Variants in CALML4 observed in about 807,000 individuals in gnomAD.
The protein encoded by CALML4 is calmodulin like 4, also known as calmodulin-like protein 4.
In CALML4, 16 loss-of-function variants were observed where a neutral mutation model predicts 17.9. The observed-to-expected ratio is 0.89, with a 90% CI of 0.61 to 1.36. The LOEUF (loss-of-function observed/expected upper bound fraction) is 1.36, where lower values mean the gene tolerates loss of function less well. CALML4 is among the 40% of genes most tolerant of loss of function. The pLI is 0.00. For synonymous variants in CALML4, 86 were observed against 71.5 expected (o/e 1.20, Z -1.02); for missense variants, 203 against 194.8 (o/e 1.04, Z -0.25).
chr15:68,204,714 G>GACGCATCCTGCCAGAGAGTGC lies in CALML4; in HGVS notation c.34+386_34+406dup, dbSNP rs1178387808. On this transcript the variant is annotated intron_variant, in intron 2 of 4. Transcript: ENST00000467889. The surrounding 1 kb of genome is among the most constrained non-coding windows in gnomAD (Gnocchi z 6.0). Reference sequence around the variant, plus strand: ...TAGGGAGACTGAGGCGCAGAGAGTAGACGCATCCTGCCAGAGAGTGCAGAC... The same window carrying GACGCATCCTGCCAGAGAGTGC: ...TAGGGAGACTGAGGCGCAGAGAGTAGACGCATCCTGCCAGAGAGTGCACGCATCCTGCCAGAGAGTGCAGAC... Among the ~76,000 whole-genome samples the GACGCATCCTGCCAGAGAGTGC allele has an allele frequency of 6.6e-6, 1 of 152,118 alleles. No individual in the cohort carries two copies. Among genetic ancestry groups the GACGCATCCTGCCAGAGAGTGC allele is most frequent in the African/African-American group, 2.4e-5 (1 of 41,416 alleles).
At position 68,205,169 on chromosome 15, in the gene CALML4, A is replaced by G. The variant is rs2093178356; in HGVS notation, c.4-18T>C. 1 of 1,614,164 alleles carries G rather than the reference A, an allele frequency of 6.2e-7. No homozygotes were observed. The highest frequency in any genetic ancestry group is 8.5e-7 in the Non-Finnish European group (1 of 1,180,024). ...AACTTGGCCTGCAGCAGAGAAAGGAAAACAGTCAGGGGAGGGCTCCACCTG... is the reference window on the plus strand; with the variant it reads ...AACTTGGCCTGCAGCAGAGAAAGGAGAACAGTCAGGGGAGGGCTCCACCTG... On this transcript the variant is annotated intron_variant, in intron 1 of 4. Coordinates refer to ENST00000467889, the MANE Select transcript of CALML4 (RefSeq NM_033429.3). This position sits in a 1 kb window ranked among gnomAD's most constrained non-coding sequence, Gnocchi z 4.8.
In CALML4 at chr15:68,200,798, C is replaced by T. The variant is rs756714502; in HGVS notation, c.35-1117G>A. ...ATAGCCCCTTAGCTGATGACAGCAA[C>T]AATGACAATTCACGTTGCTGAGCAC... On this transcript the variant is annotated intron_variant, in intron 2 of 4. Coordinates refer to ENST00000467889, the MANE Select transcript of CALML4 (RefSeq NM_033429.3). The surrounding 1 kb of genome is among the most constrained non-coding windows in gnomAD (Gnocchi z 4.3). Among the ~76,000 whole-genome samples, 7 of 152,184 alleles carry T rather than the reference C, an allele frequency of 4.6e-5. No homozygotes were observed. Among genetic ancestry groups the T allele is most frequent in the Non-Finnish European group, 1.0e-4 (7 of 68,014 alleles).
At chr15:68,205,573 A>C, upstream of CALML4, 2 of 640,444 alleles carry the variant, frequency 3.1e-6, no homozygotes, top group Admixed American at 2.9e-5. The surrounding 1 kb of genome is among the most constrained non-coding windows in gnomAD (Gnocchi z 4.8). Context: ...GACTCCAGGA[A>C]GGGGTCTTCT....
At chr15:68,198,518 T>C (rs908431197) in intron 3 of CALML4, 2 of 152,218 alleles carry the variant, frequency 1.3e-5, no homozygotes, top group Admixed American at 6.5e-5. Context: ...CAGCCCCCAA[T>C]GCAAACAGCA....
chr15:68,202,807 C>CCT (rs2093169551), intron 2 of CALML4, among the ~76,000 whole-genome samples: 3 of 95,032 alleles, frequency 3.2e-5, no homozygotes, highest in African/African-American at 1.5e-4. Flanking sequence ...CCATGACCGG[C>CCT]TTTTTTTTTT....
Position 68,197,907 on chromosome 15 carries a change from A to C in CALML4, c.176-279T>G, listed in dbSNP as rs2093151502. ...AAAGTGGGTTCCCAACCACAGATGGAGGACTGGGCTCCTCTGCTCCCTTCT... is the reference window on the plus strand; with the variant it reads ...AAAGTGGGTTCCCAACCACAGATGGCGGACTGGGCTCCTCTGCTCCCTTCT... On this transcript the variant is annotated intron_variant, in intron 3 of 4. Coordinates refer to ENST00000467889, the MANE Select transcript of CALML4 (RefSeq NM_033429.3). The surrounding 1 kb of genome is among the most constrained non-coding windows in gnomAD (Gnocchi z 4.1). 2 of 402,944 alleles carry C rather than the reference A, an allele frequency of 5.0e-6. No homozygotes were observed. Among genetic ancestry groups the C allele is most frequent in the Non-Finnish European group, 9.1e-6 (2 of 219,492 alleles). 25.0% of individuals were successfully genotyped at this position (402,944 alleles called of 1,614,324 possible). A position where few individuals can be genotyped will look rare whatever the true frequency, so the allele number is the denominator to read the frequency against.
chr15:68,194,123 T>G lies in CALML4; in HGVS notation c.365-11A>C. 6.2e-7 allele frequency: 1 copy of G among 1,604,242 alleles called. No homozygotes were observed. The highest frequency in any genetic ancestry group is 8.5e-7 in the Non-Finnish European group (1 of 1,171,678). The stretch of plus-strand genomic sequence containing the variant: ...TGAAGAGATCATCCACTGCAATAAA[T>G]CACATTTAATTTTTCAGTTTGGCTT... On this transcript the variant is annotated splice_polypyrimidine_tract_variant and intron_variant, in intron 4 of 4. Coordinates refer to ENST00000467889, the MANE Select transcript of CALML4 (RefSeq NM_033429.3).
In CALML4 at chr15:68,198,928, G is replaced by A. The variant is rs180770747; in HGVS notation, c.175+613C>T. 1.0e-3 allele frequency among the ~76,000 whole-genome samples: 156 copies of A among 152,232 alleles called. 3 individuals carry two copies. The East Asian group carries it at 0.028, about 27-fold the overall frequency. ...TCTAACCCCAGCACTTTGGGAGGCC[G>A]AGGCAGGCAGATCACCTGAGGTCAG... On this transcript the variant is annotated intron_variant, in intron 3 of 4. Coordinates refer to ENST00000467889, the MANE Select transcript of CALML4 (RefSeq NM_033429.3).
chr15:68,196,465 G>A (rs2093145015), intron 4 of CALML4, among the ~76,000 whole-genome samples: 1 of 152,196 alleles, frequency 6.6e-6, no homozygotes, highest in Non-Finnish European at 1.5e-5. Context: ...TTTAACCAGA[G>A]ACGGAAAGTC....
At chr15:68,194,250 C>T in intron 4 of CALML4, 138 bp from the exon 5 acceptor site, 1 of 634,560 alleles carries the variant, frequency 1.6e-6, no homozygotes, top group Non-Finnish European at 2.8e-6. Flanking sequence ...GGAAGTAAAC[C>T]AGTGAACAGA....
intron 4 of CALML4, among the ~76,000 whole-genome samples, chr15:68,194,963 G>C (rs988112479): frequency 2.0e-5 from 3 of 151,618 alleles, no homozygotes; most frequent in Non-Finnish European, 4.4e-5. Flanking sequence ...TGGGGGATGG[G>C]GTTTATATGA....
In CALML4 at chr15:68,199,592, C is replaced by A; in HGVS notation, c.124G>T (p.Ala42Ser). The part of the protein sequence containing the change: ...DLMVAMRCLG[A>S]SPTPGEVQRH... The stretch of plus-strand genomic sequence containing the variant: ...TGCACCTCCCCTGGCGTCGGGCTGG[C>A]CCCCAGGCACCTCATGGCCACCATG... The change falls in exon 3 of 5, where the codon GCC (alanine) becomes TCC (serine). Residue 42 changes from alanine to serine, a missense_variant. Physicochemically the swap from Ala to Ser is moderately conservative, Grantham distance 99. Coordinates refer to ENST00000467889, the MANE Select transcript of CALML4 (RefSeq NM_033429.3). 3.1e-6 allele frequency: 5 copies of A among 1,613,694 alleles called. No individual in the cohort carries two copies. The highest frequency in any genetic ancestry group is 4.2e-6 in the Non-Finnish European group (5 of 1,179,942).
At position 68,202,807 on chromosome 15, in the gene CALML4, CTTTTTTTTT is replaced by C. The variant is rs35057668; in HGVS notation, c.34+2305_34+2313del. 3.2e-5 allele frequency among the ~76,000 whole-genome samples: 3 copies of C among 95,032 alleles called. 1 individual carries two copies. Among genetic ancestry groups the C allele is most frequent in the African/African-American group, 1.5e-4 (3 of 19,886 alleles). The allele number at this position is 95,032 out of a possible 152,430, so 62.3% of individuals were successfully genotyped here. A position where few individuals can be genotyped will look rare whatever the true frequency, so the allele number is the denominator to read the frequency against. ...TATAGGCATGTGCCACCATGACCGG[CTTTTTTTTT>C]TTTTTTTTTTTTTTTGAGACAGAGT... On this transcript the variant is annotated intron_variant, in intron 2 of 4. Transcript: ENST00000467889.
intron 4 of CALML4, among the ~76,000 whole-genome samples, chr15:68,196,817 C>T (rs1311219327): frequency 2.6e-5 from 4 of 152,340 alleles, no homozygotes; most frequent in East Asian, 3.9e-4. Flanking sequence ...ACCCCTTTCT[C>T]GTGGGGCTCT....
rs749806458 is a variant in CALML4, at chr15:68,190,746, T to C, written c.*3269A>G. On this transcript the variant is annotated 3_prime_UTR_variant, in exon 5 of 5. Coordinates refer to ENST00000467889, the MANE Select transcript of CALML4 (RefSeq NM_033429.3). The surrounding 1 kb of genome is among the most constrained non-coding windows in gnomAD (Gnocchi z 4.7). ...GCTTTTAATTACTTCGTGAGTGTTATTGGATACATCTTAAAAAAAAAAAAT... is the reference window on the plus strand; with the variant it reads ...GCTTTTAATTACTTCGTGAGTGTTACTGGATACATCTTAAAAAAAAAAAAT... The C allele has an allele frequency of 2.0e-5, 3 of 152,104 alleles. No homozygotes were observed. Among genetic ancestry groups the C allele is most frequent in the Non-Finnish European group, 4.4e-5 (3 of 68,030 alleles). 9.4% of individuals were successfully genotyped at this position (152,104 alleles called of 1,614,324 possible).
intron 2 of CALML4, among the ~76,000 whole-genome samples, chr15:68,203,665 G>A (rs2093172748): frequency 6.6e-6 from 1 of 152,180 alleles, no homozygotes; most frequent in Admixed American, 6.5e-5. Context: ...CGTCCAGCAT[G>A]TAACTGACAT....
Position 68,193,304 on chromosome 15 carries a change from A to C in CALML4, c.*711T>G, listed in dbSNP as rs1047408976. 6.6e-6 allele frequency: 1 copy of C among 152,238 alleles called. No individual in the cohort carries two copies. Among genetic ancestry groups the C allele is most frequent in the Non-Finnish European group, 1.5e-5 (1 of 68,090 alleles). The allele number at this position is 152,238 out of a possible 1,614,324, so 9.4% of individuals were successfully genotyped here. ...TCCTTTGGTGTGGGGTGTAAAGTAG[A>C]TCGCTCTTCCTGCTCTCAGCTGATG... On this transcript the variant is annotated 3_prime_UTR_variant, in exon 5 of 5. Transcript: ENST00000467889.
chr15:68,201,407 AG>A (rs1326194432), intron 2 of CALML4, among the ~76,000 whole-genome samples: 1 of 152,196 alleles, frequency 6.6e-6, no homozygotes, highest in East Asian at 1.9e-4. Context: ...GGACAGAGAG[AG>A]GGCTGCCCCA....
intron 2 of CALML4, among the ~76,000 whole-genome samples, chr15:68,202,098 T>TA (rs1159500037): frequency 2.0e-5 from 3 of 152,178 alleles, no homozygotes; most frequent in Non-Finnish European, 4.4e-5. Context: ...TGAATTGGAT[T>TA]AAAAATCCCC....
Sources: gnomAD v4.1 joint callset for allele counts (sites outside exome capture counted in the v4.1 genomes callset) on GRCh38, gnomAD v4.1.1 for gene constraint, Gnocchi (gnomAD v3.1) non-coding constraint, MANE v1.5 for transcripts, NCBI Gene and HGNC (gene_info 2026-07-23, HGNC 2026-07-21) for gene names.